Variants in PPP2R2D observed in about 807,000 individuals in gnomAD.
PPP2R2D encodes the protein serine/threonine-protein phosphatase 2A 55 kDa regulatory subunit B delta isoform.
Under a neutral mutation model 31.1 loss-of-function variants are expected in PPP2R2D, and 9 were observed. That is an observed-to-expected ratio of 0.29 (90% CI 0.17 to 0.51). The LOEUF (loss-of-function observed/expected upper bound fraction) is 0.51, where lower values mean the gene tolerates loss of function less well. Among genes scored for constraint, PPP2R2D ranks in the 20% least tolerant of loss-of-function variants. The pLI, the probability that PPP2R2D is intolerant of heterozygous loss-of-function variation, is 0.98. For missense variants in PPP2R2D, 391 were observed against 465.6 expected (o/e 0.84, Z 1.48); for synonymous variants, 179 against 172.6 (o/e 1.04, Z -0.29).
chr10:131,934,980 T>A (rs1238554530), intron 3 of PPP2R2D: 6 of 455,380 alleles, frequency 1.3e-5, no homozygotes, highest in Non-Finnish European at 2.6e-5. Flanking sequence ...GGCAGGGGTG[T>A]GAATTCTCTC....
At chr10:131,909,931 T>C (rs1203376646) in intron 2 of PPP2R2D, among the ~76,000 whole-genome samples, 1 of 152,246 alleles carries the variant, frequency 6.6e-6, no homozygotes, top group African/African-American at 2.4e-5. Context: ...AAGAACAGTG[T>C]TGTTTTACAC....
chr10:131,917,691 G>C (rs1420041698), intron 2 of PPP2R2D, among the ~76,000 whole-genome samples: 1 of 127,692 alleles, frequency 7.8e-6, no homozygotes, highest in Non-Finnish European at 1.6e-5. Flanking sequence ...ACAGTGTAGG[G>C]ACCTCAGGCG....
chr10:131,953,426 G>GT (rs2036727882), intron 8 of PPP2R2D, among the ~76,000 whole-genome samples: 1 of 69,048 alleles, frequency 1.4e-5, no homozygotes, highest in Non-Finnish European at 2.7e-5. Context: ...CTTGCGGGGG[G>GT]TCCCTGTCTT....
At chr10:131,918,998 G>C (rs1201006113) in intron 2 of PPP2R2D, among the ~76,000 whole-genome samples, 17 of 136,070 alleles carry the variant, frequency 1.2e-4, no homozygotes, top group East Asian at 2.7e-4. Flanking sequence ...AGGGACCTCA[G>C]GCGGGTGGAA....
chr10:131,925,191 C>G (rs2036081209), intron 2 of PPP2R2D, among the ~76,000 whole-genome samples: 1 of 152,148 alleles, frequency 6.6e-6, no homozygotes, highest in Non-Finnish European at 1.5e-5. Flanking sequence ...AGAATGTTTA[C>G]TAGAAGTTAG....
Position 131,947,593 on chromosome 10 carries a change from C to T in PPP2R2D, c.884C>T (p.Ser295Phe). ...TTCTCAGAAATAATTTCATCCATATCCGATGTAAAATTCAGTCATAGTGGG... is the reference window on the plus strand; with the variant it reads ...TTCTCAGAAATAATTTCATCCATATTCGATGTAAAATTCAGTCATAGTGGG... ...SFFSEIISSI[S>F]DVKFSHSGRY... Residue 295 changes from serine to phenylalanine, a missense_variant, in exon 8 of 9, where the codon TCC (serine) becomes TTC (phenylalanine). Ser to Phe is a radical substitution (Grantham distance 155). This residue lies in a region of PPP2R2D where 123 missense variants were observed against 187.7 expected (regional missense o/e 0.66). Transcript: ENST00000455566. The surrounding 1 kb of genome is among the most constrained non-coding windows in gnomAD (Gnocchi z 4.3). 1.2e-6 allele frequency: 2 copies of T among 1,614,186 alleles called. No individual in the cohort carries two copies. Among genetic ancestry groups the T allele is most frequent in the Admixed American group, 1.7e-5 (1 of 60,020 alleles).
intron 3 of PPP2R2D, among the ~76,000 whole-genome samples, chr10:131,936,438 G>A (rs1336477079): frequency 1.3e-5 from 2 of 152,146 alleles, no homozygotes; most frequent in Non-Finnish European, 2.9e-5. Context: ...GGGCCACCAC[G>A]CCTGGCCAGC....
At chr10:131,954,388 C>G (rs781967135) in intron 8 of PPP2R2D, among the ~76,000 whole-genome samples, 3 of 152,176 alleles carry the variant, frequency 2.0e-5, no homozygotes, top group Non-Finnish European at 4.4e-5. Flanking sequence ...TATTACTTAC[C>G]CTTTCGTAAA....
chr10:131,962,829 G>A (rs1164686538), downstream of PPP2R2D, among the ~76,000 whole-genome samples: 1 of 152,202 alleles, frequency 6.6e-6, no homozygotes, highest in African/African-American at 2.4e-5. Flanking sequence ...CCGATCAGAG[G>A]TCCAGATAGA....
At chr10:131,960,983 TG>T (rs2036913139), downstream of PPP2R2D, among the ~76,000 whole-genome samples, 1 of 151,918 alleles carries the variant, frequency 6.6e-6, no homozygotes, top group Non-Finnish European at 1.5e-5. Flanking sequence ...GCATCTTCTG[TG>T]GCGAGCTGTC....
intron 2 of PPP2R2D, among the ~76,000 whole-genome samples, chr10:131,915,088 A>AT (rs550013773): frequency 0.021 from 2,973 of 143,972 alleles, 104 homozygotes; most frequent in African/African-American, 0.07. Flanking sequence ...AATACCTTAA[A>AT]TTTTTTTTTT....
Position 131,925,848 on chromosome 10 carries a change from C to T in PPP2R2D, c.101-8610C>T, listed in dbSNP as rs782235720. 5.3e-5 allele frequency among the ~76,000 whole-genome samples: 8 copies of T among 152,172 alleles called. No individual in the cohort carries two copies. The East Asian group carries it at 5.8e-4, about 11-fold the overall frequency. ...AGGTTTCCCCCTCACAAATTGAATA[C>T]GAGGCCACCACGCAGAGGTTGAAGA... On this transcript the variant is annotated intron_variant, in intron 2 of 8. Transcript: ENST00000455566.
At chr10:131,912,924 C>T (rs1564809570) in intron 2 of PPP2R2D, among the ~76,000 whole-genome samples, 1 of 152,174 alleles carries the variant, frequency 6.6e-6, no homozygotes, top group Non-Finnish European at 1.5e-5. Flanking sequence ...AGGCTGTGCA[C>T]ATTTCTTGTT....
chr10:131,933,012 T>C (rs1244784373), intron 2 of PPP2R2D, among the ~76,000 whole-genome samples: 1 of 152,218 alleles, frequency 6.6e-6, no homozygotes, highest in Non-Finnish European at 1.5e-5. Context: ...TGGGTATAAA[T>C]GACATAGATT....
chr10:131,913,446 A>C (rs2035716650), intron 2 of PPP2R2D, among the ~76,000 whole-genome samples: 1 of 151,994 alleles, frequency 6.6e-6, no homozygotes, highest in Non-Finnish European at 1.5e-5. Flanking sequence ...GTACAGCTGA[A>C]TTTATTATAC....
intron 2 of PPP2R2D, among the ~76,000 whole-genome samples, chr10:131,917,354 A>G: frequency 8.4e-6 from 1 of 119,720 alleles, no homozygotes; most frequent in African/African-American, 3.3e-5. Flanking sequence ...GACACAGTGT[A>G]GGGACCTCAC....
At chr10:131,901,760 G>C (rs1003997562) in intron 2 of PPP2R2D, among the ~76,000 whole-genome samples, 1 of 152,184 alleles carries the variant, frequency 6.6e-6, no homozygotes, top group African/African-American at 2.4e-5. Context: ...GGCTGGGAAC[G>C]CGCCTAGGGC....
chr10:131,908,213 C>T (rs1299767326), intron 2 of PPP2R2D, among the ~76,000 whole-genome samples: 10 of 152,280 alleles, frequency 6.6e-5, no homozygotes, highest in Admixed American at 2.0e-4. Context: ...TTCCACTGGG[C>T]CTGGCCTCTT....
chr10:131,932,085 G>A (rs1554895753), intron 2 of PPP2R2D, among the ~76,000 whole-genome samples: 2 of 152,178 alleles, frequency 1.3e-5, no homozygotes. Context: ...GAACACACAC[G>A]CATGGCCCAC....
Sources: gnomAD v4.1 joint callset for allele counts (sites outside exome capture counted in the v4.1 genomes callset) on GRCh38, gnomAD v4.1.1 for gene constraint, gnomAD v4.1.1 regional missense constraint, Gnocchi (gnomAD v3.1) non-coding constraint, MANE v1.5 for transcripts, NCBI Gene and HGNC (gene_info 2026-07-23, HGNC 2026-07-21) for gene names.